The following ADGRF5 variants were observed in gnomAD, a reference collection of about 807,000 sequenced individuals.
ADGRF5 encodes adhesion G protein-coupled receptor F5, also known as G-protein coupled receptor 116.
In ADGRF5, 75 loss-of-function variants were observed where a neutral mutation model predicts 132.3. The ratio of observed to expected loss-of-function variants is 0.57; its 90% CI spans 0.47 to 0.69. The LOEUF (loss-of-function observed/expected upper bound fraction) is 0.69, where lower values mean the gene tolerates loss of function less well. ADGRF5 is among the 30% of genes least tolerant of loss of function. ADGRF5 has a pLI of 0.00. For missense variants in ADGRF5, 1,516 were observed against 1,630.6 expected (o/e 0.93, Z 1.21); for synonymous variants, 629 against 597.6 (o/e 1.05, Z -0.77).
chr6:46,894,537 C>T (rs1242184672), intron 3 of ADGRF5, among the ~76,000 whole-genome samples: 1 of 152,154 alleles, frequency 6.6e-6, no homozygotes, highest in African/African-American at 2.4e-5. Flanking sequence ...GTCTTCCTTA[C>T]ACTACAAAGC....
intron 12 of ADGRF5, among the ~76,000 whole-genome samples, chr6:46,867,698 A>C (rs2150803210): frequency 6.6e-6 from 1 of 152,308 alleles, no homozygotes; most frequent in South Asian, 2.1e-4. Flanking sequence ...AATTTTCTTT[A>C]CATTGCTTCC....
Position 46,881,576 on chromosome 6 carries a change from T to A in ADGRF5, c.693A>T (p.Thr231=). Residue 231 remains threonine, a synonymous_variant, in exon 8 of 21, where the codon ACA becomes ACT. Coordinates refer to ENST00000283296, the MANE Select transcript of ADGRF5 (RefSeq NM_001098518.2). ...TGFKSGSVVV[T]YEVKTTPPSL... Reference sequence around the variant, plus strand: ...ATGGTGGTGTAGTCTTGACTTCATATGTCACAACCACACTTCCAGACCTGG... The same window carrying A: ...ATGGTGGTGTAGTCTTGACTTCATAAGTCACAACCACACTTCCAGACCTGG... 6.2e-7 allele frequency: 1 copy of A among 1,613,948 alleles called. No individual in the cohort carries two copies. The highest frequency in any genetic ancestry group is 1.3e-5 in the African/African-American group (1 of 75,056).
At chr6:46,950,046 G>T (rs890897077) in intron 1 of ADGRF5, among the ~76,000 whole-genome samples, 1 of 152,126 alleles carries the variant, frequency 6.6e-6, no homozygotes, top group Admixed American at 6.5e-5. Flanking sequence ...ACCTTCATTT[G>T]GTGGCTTGGA....
chr6:46,884,327 T>C (rs745513526), intron 4 of ADGRF5, 56 bp from the exon 5 acceptor site: 31 of 1,375,598 alleles, frequency 2.3e-5, no homozygotes, highest in Non-Finnish European at 2.9e-5. Context: ...GTCACCATAT[T>C]TGTATTTATA....
chr6:46,865,774 T>C (rs1770344730), intron 13 of ADGRF5, among the ~76,000 whole-genome samples: 1 of 152,254 alleles, frequency 6.6e-6, no homozygotes, highest in Non-Finnish European at 1.5e-5. Flanking sequence ...GTCCCCACTT[T>C]TCTGAACTTC....
intron 1 of ADGRF5, among the ~76,000 whole-genome samples, chr6:46,941,457 A>AAAAGAAAAG (rs1301098356): frequency 2.3e-5 from 1 of 42,678 alleles, no homozygotes; most frequent in Non-Finnish European, 5.5e-5. Context: ...AAAAGAAAAG[A>AAAAGAAAAG]AAAGAAAAGA....
intron 1 of ADGRF5, among the ~76,000 whole-genome samples, chr6:46,943,151 CA>C (rs141970567): frequency 0.016 from 2,281 of 141,840 alleles, 45 homozygotes; most frequent in African/African-American, 0.052. Context: ...CTTACACATA[CA>C]AAAAAAAAAA....
chr6:46,950,212 G>A (rs773564817), intron 1 of ADGRF5, among the ~76,000 whole-genome samples: 1 of 152,154 alleles, frequency 6.6e-6, no homozygotes, highest in Non-Finnish European at 1.5e-5. Context: ...GGGACAAGGC[G>A]TTCACCACAC....
At chr6:46,855,948 G>A (rs1316286631) in intron 20 of ADGRF5, 26 bp downstream of exon 20, 1 of 1,332,836 alleles carries the variant, frequency 7.5e-7, no homozygotes, top group Non-Finnish European at 1.1e-6. Context: ...TGGACAAGCA[G>A]GGAGAAACTG....
intron 7 of ADGRF5, 73 bp from the exon 8 acceptor site, chr6:46,881,670 C>T: frequency 7.3e-7 from 1 of 1,364,842 alleles, no homozygotes; most frequent in Non-Finnish European, 1.0e-6. Context: ...GGCTTATTTG[C>T]TTAGGAAACA....
intron 17 of ADGRF5, among the ~76,000 whole-genome samples, chr6:46,857,224 G>T (rs534061853): frequency 1.3e-5 from 2 of 152,150 alleles, no homozygotes; most frequent in Non-Finnish European, 2.9e-5. Context: ...ATAAGAATCT[G>T]GGCTATGGGG....
intron 1 of ADGRF5, among the ~76,000 whole-genome samples, chr6:46,929,055 C>A (rs142669070): frequency 1.3e-5 from 2 of 151,930 alleles, no homozygotes; most frequent in Non-Finnish European, 2.9e-5. Flanking sequence ...AAGTTTATTG[C>A]GGCACTATTC....
intron 3 of ADGRF5, among the ~76,000 whole-genome samples, chr6:46,899,373 T>G (rs1774510203): frequency 6.6e-6 from 1 of 152,132 alleles, no homozygotes; most frequent in African/African-American, 2.4e-5. Flanking sequence ...TTTGTGCTTT[T>G]GAAGGGCTTC....
intron 12 of ADGRF5, 41 bp downstream of exon 12, chr6:46,868,842 G>C (rs1770746499): frequency 7.8e-7 from 1 of 1,286,178 alleles, no homozygotes; most frequent in Admixed American, 1.9e-5. Flanking sequence ...ATGTTTCCAA[G>C]AGCCCAGGCA....
Position 46,858,732 on chromosome 6 carries a change from G to T in ADGRF5, c.3171C>A (p.Ile1057=). 6.2e-7 allele frequency: 1 copy of T among 1,614,094 alleles called. No homozygotes were observed. The highest frequency in any genetic ancestry group is 8.5e-7 in the Non-Finnish European group (1 of 1,180,004). ...SYMRHTCIVN[I]AASLLVANTW... ...TGTTGGCGACCAGAAGGGAGGCAGC[G>T]ATATTCACTATGCAGGTGTGGCGCA... The change falls in exon 17 of 21, where the codon ATC becomes ATA. Residue 1057 remains isoleucine (I), a synonymous_variant. Transcript: ENST00000283296.
rs566496682 is a variant in ADGRF5, at chr6:46,896,634, C to A, written c.157+3395G>T. On this transcript the variant is annotated intron_variant, in intron 3 of 20. Coordinates refer to ENST00000283296, the MANE Select transcript of ADGRF5 (RefSeq NM_001098518.2). ...AACCTTATTTAATCTTCCTAACAAC[C>A]CTATAAAGTAATATGTGTGAGATAT... Among the ~76,000 whole-genome samples, 13 of 149,040 alleles carry A rather than the reference C, an allele frequency of 8.7e-5. No individual in the cohort carries two copies. In the South Asian group the frequency reaches 1.1e-3, roughly 12 times the overall value.
chr6:46,863,442 G>A (rs1770027049), intron 14 of ADGRF5: 1 of 391,752 alleles, frequency 2.6e-6, no homozygotes, highest in South Asian at 2.0e-5. Context: ...CGGGATTTAG[G>A]CATCAGCAGG....
chr6:46,856,825 C>A lies in ADGRF5; in HGVS notation c.3816+42G>T, dbSNP rs1256507173. 2.5e-6 allele frequency: 4 copies of A among 1,605,470 alleles called. No individual in the cohort carries two copies. The South Asian group carries it at 3.3e-5, about 13-fold the overall frequency. On this transcript the variant is annotated intron_variant, in intron 18 of 20. Transcript: ENST00000283296. ...TCGTAACTTCAACATGCCACAAGCACTTCAGACTTTTCTAGAAACATGAAA... is the reference window on the plus strand; with the variant it reads ...TCGTAACTTCAACATGCCACAAGCAATTCAGACTTTTCTAGAAACATGAAA...
intron 15 of ADGRF5, among the ~76,000 whole-genome samples, chr6:46,862,314 T>C (rs936297746): frequency 2.0e-5 from 3 of 152,116 alleles, no homozygotes; most frequent in African/African-American, 7.2e-5. Flanking sequence ...GGAGGTCCCA[T>C]TTTTTTACAT....
Sources: gnomAD v4.1 joint callset for allele counts (sites outside exome capture counted in the v4.1 genomes callset) on GRCh38, gnomAD v4.1.1 for gene constraint, MANE v1.5 for transcripts, NCBI Gene and HGNC (gene_info 2026-07-23, HGNC 2026-07-21) for gene names.